The following PRKAR1B variants were observed in gnomAD, a reference collection of about 807,000 sequenced individuals.
The protein encoded by PRKAR1B is protein kinase cAMP-dependent type I regulatory subunit beta.
PRKAR1B carries 22 observed loss-of-function variants against 46.5 expected under a neutral mutation model. The ratio of observed to expected loss-of-function variants is 0.47; its 90% CI spans 0.34 to 0.68. The LOEUF (loss-of-function observed/expected upper bound fraction) is 0.68. Among genes scored for constraint, PRKAR1B ranks in the 30% least tolerant of loss-of-function variants. The pLI is 0.01. For synonymous variants in PRKAR1B, 259 were observed against 217.7 expected, an observed-to-expected ratio of 1.19 and a Z score of -1.67; for missense variants, 445 against 535.6, an observed-to-expected ratio of 0.83 and a Z score of 1.67.
In PRKAR1B at chr7:669,502, AC is replaced by A. The variant is rs1786105901; in HGVS notation, c.440+7726del. 4.6e-5 allele frequency among the ~76,000 whole-genome samples: 7 copies of A among 152,166 alleles called. No homozygotes were observed. The South Asian group carries it at 1.5e-3, about 32-fold the overall frequency. On this transcript the variant is annotated intron_variant, in intron 4 of 10. Transcript: ENST00000537384. ...AAATGGGCTGGGTGCAGTGGCTCACACCTGTAATCCCAGCACTTTGGGAGGC... is the reference window on the plus strand; with the variant it reads ...AAATGGGCTGGGTGCAGTGGCTCACACTGTAATCCCAGCACTTTGGGAGGC...
intron 4 of PRKAR1B, among the ~76,000 whole-genome samples, chr7:658,099 T>C (rs547649294): frequency 2.9e-4 from 44 of 151,966 alleles, no homozygotes; most frequent in African/African-American, 1.0e-3. Flanking sequence ...ACCTCACCTA[T>C]CCACAGTGAT....
intron 4 of PRKAR1B, among the ~76,000 whole-genome samples, chr7:658,590 G>A (rs572275873): frequency 1.3e-5 from 2 of 152,266 alleles, no homozygotes; most frequent in East Asian, 1.9e-4. Flanking sequence ...GGAAGCCGGC[G>A]GCTCACGAAA....
chr7:683,341 G>A (rs1778807916), intron 2 of PRKAR1B, among the ~76,000 whole-genome samples: 1 of 152,132 alleles, frequency 6.6e-6, no homozygotes, highest in African/African-American at 2.4e-5. Context: ...TTTGCTTATT[G>A]GTTCCAAATA....
intron 8 of PRKAR1B, among the ~76,000 whole-genome samples, chr7:582,597 C>T (rs1435081159): frequency 2.0e-5 from 3 of 152,250 alleles, no homozygotes; most frequent in Non-Finnish European, 2.9e-5. Context: ...GTGCGACGGC[C>T]CCTAAGAGCC....
chr7:707,383 T>C (rs1298585899), intron 2 of PRKAR1B, among the ~76,000 whole-genome samples: 1 of 152,156 alleles, frequency 6.6e-6, no homozygotes, highest in Non-Finnish European at 1.5e-5. Flanking sequence ...TCGGCAACCC[T>C]TTCGACAAAA....
chr7:711,334 C>T lies in PRKAR1B; in HGVS notation c.172G>A (p.Glu58Lys). The T allele has an allele frequency of 1.2e-6, 2 of 1,614,118 alleles. No individual in the cohort carries two copies. Among genetic ancestry groups the T allele is most frequent in the Non-Finnish European group, 8.5e-7 (1 of 1,179,984 alleles). The change falls in exon 2 of 11, where the codon GAG becomes AAG. Residue 58 changes from glutamate (E) to lysine (K), a missense_variant. Physicochemically the swap from Glu to Lys is moderately conservative, Grantham distance 56 (BLOSUM62 1). Transcript: ENST00000537384. Reference protein sequence around the residue: ...KFLREHFEKLEKEENRQILAR... With the variant: ...KFLREHFEKLKKEENRQILAR... ...GGGCGGCGGGGGCCACTCACCTTCT[C>T]CAGCTTCTCGAAGTGCTCCCGGAGG...
Position 560,659 on chromosome 7 carries a change from G to A in PRKAR1B, c.892-9189C>T, listed in dbSNP as rs1778727065. On this transcript the variant is annotated intron_variant, in intron 9 of 10. Coordinates refer to ENST00000537384, the MANE Select transcript of PRKAR1B (RefSeq NM_001164760.2). The surrounding 1 kb of genome is among the most constrained non-coding windows in gnomAD (Gnocchi z 4.2). ...CCAGCCTCAGCTCTGCAATGCACCA[G>A]CCAGTCTCAGGCAAGGCCCATAGCT... Among the ~76,000 whole-genome samples the A allele has an allele frequency of 6.6e-6, 1 of 152,114 alleles. No individual in the cohort carries two copies. The highest frequency in any genetic ancestry group is 2.4e-5 in the African/African-American group (1 of 41,416).
At position 664,769 on chromosome 7, in the gene PRKAR1B, C is replaced by G. The variant is rs113715274; in HGVS notation, c.440+12460G>C. Among the ~76,000 whole-genome samples, 310 of 152,010 alleles carry G rather than the reference C, an allele frequency of 2.0e-3. 2 individuals are homozygous for G. Among genetic ancestry groups the G allele is most frequent in the African/African-American group, 7.0e-3 (289 of 41,472 alleles). Reference sequence around the variant, plus strand: ...TACAAAAACTAAAAAAAAAAAATAGCTGGGTGTGGTGGTGCACGCCTGTGG... The same window carrying G: ...TACAAAAACTAAAAAAAAAAAATAGGTGGGTGTGGTGGTGCACGCCTGTGG... On this transcript the variant is annotated intron_variant, in intron 4 of 10. Transcript: ENST00000537384.
At chr7:660,822 G>C (rs1354478687) in intron 4 of PRKAR1B, among the ~76,000 whole-genome samples, 7 of 89,776 alleles carry the variant, frequency 7.8e-5, no homozygotes, top group African/African-American at 1.9e-4. Flanking sequence ...CCCCCCCATG[G>C]CACAGGTCCC....
At chr7:557,996 G>A (rs1463046426) in intron 9 of PRKAR1B, among the ~76,000 whole-genome samples, 3 of 152,036 alleles carry the variant, frequency 2.0e-5, no homozygotes, top group East Asian at 1.9e-4. Context: ...TTTTCCTTGC[G>A]ACTATTTTGA....
chr7:562,562 G>A (rs1778868989), intron 9 of PRKAR1B, among the ~76,000 whole-genome samples: 2 of 152,140 alleles, frequency 1.3e-5, no homozygotes. Context: ...CACCAGGCCT[G>A]CACTCATCAC....
chr7:606,054 T>C, intron 6 of PRKAR1B, 139 bp downstream of exon 6: 1 of 750,634 alleles, frequency 1.3e-6, no homozygotes. Flanking sequence ...AGATAGCAGT[T>C]GCATTTCTGG....
intron 6 of PRKAR1B, among the ~76,000 whole-genome samples, chr7:605,349 C>CG (rs929939552): frequency 9.9e-5 from 15 of 152,130 alleles, no homozygotes; most frequent in Non-Finnish European, 1.9e-4. Context: ...GGCTGCCGTG[C>CG]GGGGGGCGGC....
At chr7:639,925 G>GAGGTCAAGGTGGGCGGATCACA (rs1784300601) in intron 4 of PRKAR1B, among the ~76,000 whole-genome samples, 1 of 151,948 alleles carries the variant, frequency 6.6e-6, no homozygotes, top group Non-Finnish European at 1.5e-5. Context: ...AGCACTTTGG[G>GAGGTCAAGGTGGGCGGATCACA]AGGTCAAGGT....
At chr7:700,117 G>A (rs1204207717) in intron 2 of PRKAR1B, among the ~76,000 whole-genome samples, 1 of 152,162 alleles carries the variant, frequency 6.6e-6, no homozygotes, top group Non-Finnish European at 1.5e-5. Flanking sequence ...GAACTGATAC[G>A]AGTGTGAGGT....
chr7:669,535 G>A (rs767191232), intron 4 of PRKAR1B, among the ~76,000 whole-genome samples: 70 of 152,090 alleles, frequency 4.6e-4, no homozygotes, highest in Non-Finnish European at 9.1e-4. Flanking sequence ...AGGCTGAGGT[G>A]GGTGGATCAC....
intron 8 of PRKAR1B, among the ~76,000 whole-genome samples, chr7:584,142 C>T (rs1235920555): frequency 6.6e-6 from 1 of 152,152 alleles, no homozygotes; most frequent in Non-Finnish European, 1.5e-5. Context: ...CCAGCTCACA[C>T]GTGTACCGGG....
intron 4 of PRKAR1B, among the ~76,000 whole-genome samples, chr7:659,482 A>G (rs1785387829): frequency 6.6e-6 from 1 of 152,136 alleles, no homozygotes; most frequent in African/African-American, 2.4e-5. Flanking sequence ...GTGGCCGCAC[A>G]CGCCGTCCCG....
At chr7:671,084 C>T (rs1054634185) in intron 4 of PRKAR1B, among the ~76,000 whole-genome samples, 2 of 152,212 alleles carry the variant, frequency 1.3e-5, no homozygotes, top group African/African-American at 2.4e-5. Context: ...AGAGCTGAAG[C>T]GACCGTCCAC....
Sources: gnomAD v4.1 joint callset for allele counts (sites outside exome capture counted in the v4.1 genomes callset) on GRCh38, gnomAD v4.1.1 for gene constraint, Gnocchi (gnomAD v3.1) non-coding constraint, MANE v1.5 for transcripts, NCBI Gene and HGNC (gene_info 2026-07-23, HGNC 2026-07-21) for gene names.